ATRNL1: variants seen among roughly 807,000 people sequenced by gnomAD.
The protein encoded by ATRNL1 is attractin-like protein 1.
A neutral mutation model predicts 182.7 loss-of-function variants in ATRNL1; 95 were observed. The ratio of observed to expected loss-of-function variants is 0.52; its 90% CI spans 0.44 to 0.62. The LOEUF (loss-of-function observed/expected upper bound fraction) is 0.62, where lower values mean the gene tolerates loss of function less well. Among genes scored for constraint, ATRNL1 ranks in the 20% least tolerant of loss-of-function variants. The pLI, the probability that ATRNL1 is intolerant of heterozygous loss-of-function variation, is 0.00. For missense variants in ATRNL1, 1,471 were observed against 1,679.5 expected (o/e 0.88, Z 2.17); for synonymous variants, 576 against 568.3 (o/e 1.01, Z -0.19).
At chr10:115,249,616 T>A (rs1850790497) in intron 10 of ATRNL1, among the ~76,000 whole-genome samples, 1 of 152,210 alleles carries the variant, frequency 6.6e-6, no homozygotes, top group Non-Finnish European at 1.5e-5. Flanking sequence ...ATATGGTTCA[T>A]AATTAATATT....
At chr10:115,279,620 G>A (rs782203955) in intron 13 of ATRNL1, among the ~76,000 whole-genome samples, 2 of 152,144 alleles carry the variant, frequency 1.3e-5, no homozygotes, top group Non-Finnish European at 2.9e-5. Flanking sequence ...TAATGTTTGC[G>A]ACAGATTTCT....
Position 115,847,087 on chromosome 10 carries a change from G to T in ATRNL1, c.3904-790G>T, listed in dbSNP as rs117928647. Among the ~76,000 whole-genome samples, 967 of 152,086 alleles carry T rather than the reference G, an allele frequency of 6.4e-3. 5 individuals are homozygous for T. The highest frequency in any genetic ancestry group is 0.011 in the Non-Finnish European group (771 of 67,978). On this transcript the variant is annotated intron_variant, in intron 27 of 28. Transcript: ENST00000355044. ...ATACAAGTGCATTGATGGGTGATTA[G>T]TAAGTAGGTATTTCACTAAAACAAT...
Position 115,174,465 on chromosome 10 carries a change from T to C in ATRNL1, c.1348+3173T>C, listed in dbSNP as rs1554886364. On this transcript the variant is annotated intron_variant, in intron 8 of 28. Transcript: ENST00000355044. ...CAATTTATAGGATACAGTTTTCCAC[T>C]GTTTTAGTTATTTTTGTTTTGTTTC... 2.0e-5 allele frequency among the ~76,000 whole-genome samples: 3 copies of C among 151,970 alleles called. No homozygotes were observed. The East Asian group carries it at 5.8e-4, about 29-fold the overall frequency.
At chr10:115,150,626 G>C (rs1051363149) in intron 5 of ATRNL1, among the ~76,000 whole-genome samples, 2 of 151,820 alleles carry the variant, frequency 1.3e-5, no homozygotes, top group Non-Finnish European at 2.9e-5. Flanking sequence ...AAATTTGCAT[G>C]TATTTGTACA....
At chr10:115,422,058 A>C (rs552116695) in intron 20 of ATRNL1, among the ~76,000 whole-genome samples, 1 of 152,320 alleles carries the variant, frequency 6.6e-6, no homozygotes, top group African/African-American at 2.4e-5. Flanking sequence ...AATGGATTAA[A>C]GACTTAAATG....
At chr10:115,444,503 A>T (rs1249220051) in intron 21 of ATRNL1, among the ~76,000 whole-genome samples, 1 of 152,044 alleles carries the variant, frequency 6.6e-6, no homozygotes, top group Non-Finnish European at 1.5e-5. Flanking sequence ...GCAGAAAAAG[A>T]CAACTTTGTT....
Position 115,302,437 on chromosome 10 carries a change from C to A in ATRNL1, c.2818+394C>A, listed in dbSNP as rs541977534. 1.5e-4 allele frequency among the ~76,000 whole-genome samples: 23 copies of A among 152,236 alleles called. No individual in the cohort carries two copies. In the South Asian group the frequency reaches 4.6e-3, roughly 30 times the overall value. Reference sequence around the variant, plus strand: ...TATGACTTTGATATTTTTGAATAACCTATACCAATTGTTTTGGAGGTTTCT... The same window carrying A: ...TATGACTTTGATATTTTTGAATAACATATACCAATTGTTTTGGAGGTTTCT... On this transcript the variant is annotated intron_variant, in intron 17 of 28. Coordinates refer to ENST00000355044, the MANE Select transcript of ATRNL1 (RefSeq NM_207303.4).
intron 26 of ATRNL1, among the ~76,000 whole-genome samples, chr10:115,586,395 C>G (rs1347014847): frequency 9.4e-6 from 1 of 106,222 alleles, no homozygotes; most frequent in East Asian, 6.7e-4. Context: ...GTACACCAAT[C>G]AGACGTGGAT....
At chr10:115,225,868 G>A (rs528791824) in intron 9 of ATRNL1, among the ~76,000 whole-genome samples, 1 of 150,522 alleles carries the variant, frequency 6.6e-6, no homozygotes. Context: ...AATTGACATG[G>A]TGATTCTAAA....
intron 27 of ATRNL1, among the ~76,000 whole-genome samples, chr10:115,801,147 T>G (rs1949783412): frequency 6.6e-6 from 1 of 152,200 alleles, no homozygotes; most frequent in East Asian, 1.9e-4. Context: ...ACCCTTCCTG[T>G]CTTGCTTTAA....
intron 14 of ATRNL1, among the ~76,000 whole-genome samples, chr10:115,285,126 T>C (rs1389437942): frequency 1.3e-5 from 2 of 152,276 alleles, no homozygotes; most frequent in Middle Eastern, 3.4e-3. Context: ...TATACCATAG[T>C]GGGGCAAGAC....
intron 27 of ATRNL1, among the ~76,000 whole-genome samples, chr10:115,788,448 A>T (rs1485152821): frequency 6.6e-6 from 1 of 152,202 alleles, no homozygotes; most frequent in Admixed American, 6.5e-5. Flanking sequence ...TTACAGATTA[A>T]ACCAAAGCTT....
In ATRNL1 at chr10:115,452,912, T is replaced by A. The variant is rs139282989; in HGVS notation, c.3323-9029T>A. On this transcript the variant is annotated intron_variant, in intron 21 of 28. Transcript: ENST00000355044. The stretch of plus-strand genomic sequence containing the variant: ...TCTCTGCATGTATGAATTTGATTAT[T>A]TTAGATTTCTTATAAATGTGGGATA... Among the ~76,000 whole-genome samples the A allele has an allele frequency of 2.7e-4, 41 of 152,204 alleles. 2 individuals carry two copies. The East Asian group carries it at 7.5e-3, about 28-fold the overall frequency.
rs373400867 is a variant in ATRNL1 at position 115,386,654 on chromosome 10, T to A, written c.3176-8005T>A. On this transcript the variant is annotated intron_variant, in intron 19 of 28. Coordinates refer to ENST00000355044, the MANE Select transcript of ATRNL1 (RefSeq NM_207303.4). Reference sequence around the variant, plus strand: ...AAGGTACATCAAAGGTTAGTCTTTTTTTTTTATTTTTATTTTATTATTATT... The same window carrying A: ...AAGGTACATCAAAGGTTAGTCTTTTATTTTTATTTTTATTTTATTATTATT... 8.4e-4 allele frequency among the ~76,000 whole-genome samples: 128 copies of A among 152,242 alleles called. 2 individuals are homozygous for A. In the South Asian group the frequency reaches 0.021, roughly 25 times the overall value.
At chr10:115,315,467 G>A in intron 17 of ATRNL1, 51 bp from the exon 18 acceptor site, 1 of 1,266,868 alleles carries the variant, frequency 7.9e-7, no homozygotes. Context: ...CTATAATTCT[G>A]TTTGAATATA....
chr10:115,394,817 G>A, intron 20 of ATRNL1, 65 bp downstream of exon 20: 1 of 1,250,206 alleles, frequency 8.0e-7, no homozygotes, highest in Non-Finnish European at 1.1e-6. Flanking sequence ...TAATTTTTAT[G>A]TTTTACTTTT....
chr10:115,684,953 T>C (rs1402592867), intron 26 of ATRNL1, among the ~76,000 whole-genome samples: 1 of 151,762 alleles, frequency 6.6e-6, no homozygotes, highest in East Asian at 1.9e-4. Flanking sequence ...AAAATAATGT[T>C]TCTTTTACAA....
rs374502504 is a variant in ATRNL1, at chr10:115,535,427, C to T, written c.3717-14031C>T. On this transcript the variant is annotated intron_variant, in intron 25 of 28. Transcript: ENST00000355044. ...GCTCCTGAGGCTTCTGCATTCTTCA[C>T]GTAGTTCTCAAGCCTTGGTTTTCAG... is the stretch of plus-strand genomic sequence containing the variant. Among the ~76,000 whole-genome samples the T allele has an allele frequency of 4.0e-5, 6 of 150,026 alleles. No homozygotes were observed. In the South Asian group the frequency reaches 6.4e-4, roughly 16 times the overall value.
chr10:115,282,794 T>A (rs1251894104), intron 14 of ATRNL1, among the ~76,000 whole-genome samples: 1 of 91,620 alleles, frequency 1.1e-5, no homozygotes, highest in East Asian at 3.0e-4. Flanking sequence ...TTATCCCAGG[T>A]TTTTTTTTTT....
Sources: allele counts gnomAD v4.1 joint callset (sites outside exome capture counted in the v4.1 genomes callset), GRCh38; gene constraint gnomAD v4.1.1; transcripts MANE v1.5; gene names NCBI Gene and HGNC (gene_info 2026-07-23, HGNC 2026-07-21).